Variants in AHI1 observed in about 807,000 individuals in gnomAD.
AHI1 encodes the protein jouberin.
A neutral mutation model predicts 149.3 loss-of-function variants in AHI1; 123 were observed. The observed-to-expected ratio is 0.82, with a 90% confidence interval of 0.71 to 0.96. The LOEUF (loss-of-function observed/expected upper bound fraction) is 0.96. Ranked by LOEUF, AHI1 falls within the 40% of genes least tolerant of loss-of-function variation. The pLI, the probability that AHI1 is intolerant of heterozygous loss-of-function variation, is 0.00. For synonymous variants in AHI1, 475 were observed against 459.8 expected (o/e 1.03, Z -0.42); for missense variants, 1,439 against 1,422.7 (o/e 1.01, Z -0.18).
chr6:135,309,481 T>A (rs957567171), intron 26 of AHI1, among the ~76,000 whole-genome samples: 16 of 151,276 alleles, frequency 1.1e-4, no homozygotes, highest in Non-Finnish European at 2.4e-4. Context: ...ATAAGCACTT[T>A]AGTTTTTTTT....
chr6:135,393,923 A>G (rs966117034), intron 23 of AHI1, among the ~76,000 whole-genome samples: 1 of 152,058 alleles, frequency 6.6e-6, no homozygotes, highest in Non-Finnish European at 1.5e-5. Context: ...GAATCCAAGC[A>G]TTTTCTCACT....
chr6:135,326,966 C>T (rs984304317), intron 24 of AHI1, among the ~76,000 whole-genome samples: 1 of 152,166 alleles, frequency 6.6e-6, no homozygotes, highest in African/African-American at 2.4e-5. Flanking sequence ...TAGCTTAGCT[C>T]CTACTTTTAA....
intron 22 of AHI1, among the ~76,000 whole-genome samples, chr6:135,403,646 A>G (rs1178178564): frequency 6.6e-6 from 1 of 152,200 alleles, no homozygotes; most frequent in Admixed American, 6.5e-5. Context: ...GTCAGAAAAT[A>G]AATTGTATTT....
At chr6:135,483,642 T>C (rs1467056771) in intron 5 of AHI1, among the ~76,000 whole-genome samples, 1 of 152,226 alleles carries the variant, frequency 6.6e-6, no homozygotes, top group East Asian at 1.9e-4. Flanking sequence ...CCAGTTACTA[T>C]TGCTGAGTAT....
chr6:135,325,374 C>T (rs1189069942), intron 24 of AHI1, among the ~76,000 whole-genome samples: 7 of 152,162 alleles, frequency 4.6e-5, no homozygotes, highest in Admixed American at 2.0e-4. Flanking sequence ...TACATACAAG[C>T]GGAACTTTAA....
intron 1 of AHI1, 124 bp downstream of exon 1, chr6:135,497,459 A>T (rs1398495873): frequency 6.6e-6 from 1 of 152,362 alleles, no homozygotes; most frequent in Admixed American, 6.5e-5. Context: ...CTCGTCGGTC[A>T]CTACGCTATC....
intron 14 of AHI1, among the ~76,000 whole-genome samples, chr6:135,441,887 T>TA (rs1430444977): frequency 4.6e-5 from 7 of 151,864 alleles, no homozygotes; most frequent in Admixed American, 3.3e-4. Context: ...AGTCCCTGAT[T>TA]AAAAAAAAGG....
rs1472615958 is a variant in AHI1, at chr6:135,442,638, T to C, written c.1856A>G (p.His619Arg). The C allele has an allele frequency of 1.2e-6, 2 of 1,610,058 alleles. No individual in the cohort carries two copies. The highest frequency in any genetic ancestry group is 1.7e-6 in the Non-Finnish European group (2 of 1,177,982). Residue 619 changes from histidine to arginine, a missense_variant, in exon 14 of 29, where the codon CAC becomes CGC. Coordinates refer to ENST00000265602, the MANE Select transcript of AHI1 (RefSeq NM_001134831.2). Reference protein sequence around the residue: ...ERGCFCLDFSHNGRILAAACA... With the variant: ...ERGCFCLDFSRNGRILAAACA... Reference sequence around the variant, plus strand: ...AGCTGCTGCTAATATTCTTCCATTGTGGGAGAAATCAAGACAAAAACATCC... The same window carrying C: ...AGCTGCTGCTAATATTCTTCCATTGCGGGAGAAATCAAGACAAAAACATCC...
chr6:135,388,936 T>G (rs146043571), intron 23 of AHI1, among the ~76,000 whole-genome samples: 1 of 150,364 alleles, frequency 6.7e-6, no homozygotes, highest in Non-Finnish European at 1.5e-5. Context: ...CACTGGAATC[T>G]GAGAGGCGGA....
In AHI1 at chr6:135,399,257, G is replaced by A. The variant is rs76984353; in HGVS notation, c.2989-4361C>T. Among the ~76,000 whole-genome samples the A allele has an allele frequency of 6.0e-3, 920 of 152,236 alleles. 27 individuals are homozygous for A. Among genetic ancestry groups the A allele is most frequent in the Admixed American group, 0.05 (769 of 15,284 alleles). On this transcript the variant is annotated intron_variant, in intron 22 of 28. Coordinates refer to ENST00000265602, the MANE Select transcript of AHI1 (RefSeq NM_001134831.2). ...TAGAAGCATAGACCCTTCTATTTTA[G>A]TACAAAAACAAAGAGGAAACAAACC...
intron 25 of AHI1, 132 bp from the exon 26 acceptor site, chr6:135,318,748 C>A: frequency 3.8e-6 from 2 of 531,028 alleles, no homozygotes; most frequent in Non-Finnish European, 6.4e-6. Flanking sequence ...CAATAAGATA[C>A]CTAAAACTTA....
intron 20 of AHI1, among the ~76,000 whole-genome samples, chr6:135,420,498 C>T (rs751278834): frequency 6.6e-6 from 1 of 152,158 alleles, no homozygotes; most frequent in Non-Finnish European, 1.5e-5. Flanking sequence ...ATGATCTCAG[C>T]TAGATCTTCT....
At chr6:135,469,120 T>C (rs1414088700) in intron 5 of AHI1, among the ~76,000 whole-genome samples, 2 of 152,210 alleles carry the variant, frequency 1.3e-5, no homozygotes, top group African/African-American at 4.8e-5. Context: ...AATAAAATAC[T>C]TGCAACCAAA....
At chr6:135,319,769 T>C (rs1786523458) in intron 25 of AHI1, among the ~76,000 whole-genome samples, 1 of 152,130 alleles carries the variant, frequency 6.6e-6, no homozygotes, top group Non-Finnish European at 1.5e-5. Context: ...CTAATTGTCT[T>C]TGTATGTGGA....
chr6:135,382,861 G>C (rs1483274024), intron 23 of AHI1, among the ~76,000 whole-genome samples: 2 of 121,060 alleles, frequency 1.7e-5, no homozygotes, highest in Non-Finnish European at 3.2e-5. Context: ...TGCTTGCTTG[G>C]TTCCAGGCGG....
chr6:135,387,737 A>G (rs1777811589), intron 23 of AHI1: 39 of 1,137,892 alleles, frequency 3.4e-5, no homozygotes, highest in Admixed American at 4.2e-5. Flanking sequence ...GCAATAAAAC[A>G]AACTGTATAA....
intron 16 of AHI1, 53 bp downstream of exon 16, chr6:135,432,973 TG>T: frequency 7.4e-7 from 1 of 1,348,932 alleles, no homozygotes; most frequent in Non-Finnish European, 1.1e-6. Context: ...ACTATTATTC[TG>T]GTAAAAAAAA....
chr6:135,369,119 A>G (rs1015808098), intron 23 of AHI1, among the ~76,000 whole-genome samples: 1 of 152,132 alleles, frequency 6.6e-6, no homozygotes, highest in East Asian at 1.9e-4. Flanking sequence ...CTCTACCCCT[A>G]TATTTCACTC....
intron 14 of AHI1, among the ~76,000 whole-genome samples, chr6:135,441,120 T>A (rs548155589): frequency 6.7e-6 from 1 of 149,420 alleles, no homozygotes; most frequent in Admixed American, 6.6e-5. Flanking sequence ...AAAGAGAGTA[T>A]CAATAAAGAA....
Sources: allele counts gnomAD v4.1 joint callset (sites outside exome capture counted in the v4.1 genomes callset), GRCh38; gene constraint gnomAD v4.1.1; transcripts MANE v1.5; gene names NCBI Gene and HGNC (gene_info 2026-07-23, HGNC 2026-07-21).